Variants in CD69 observed in about 807,000 individuals in gnomAD.
The protein encoded by CD69 is CD69 molecule.
In CD69, 10 loss-of-function variants were observed where a neutral mutation model predicts 21.4. The observed-to-expected ratio is 0.47, with a 90% CI of 0.29 to 0.79. The LOEUF (loss-of-function observed/expected upper bound fraction) is 0.79. CD69 is among the 30% of genes least tolerant of loss of function. The pLI is 0.09. For missense variants in CD69, 204 were observed against 236.9 expected, an observed-to-expected ratio of 0.86 and a Z score of 0.91; for synonymous variants, 63 against 78.2, an observed-to-expected ratio of 0.81 and a Z score of 1.03.
At position 9,754,651 on chromosome 12, in the gene CD69, C is replaced by T. The variant is rs867305691; in HGVS notation, c.427G>A (p.Val143Ile). The change falls in exon 4 of 5, where the codon GTT becomes ATT. Residue 143 changes from valine to isoleucine, a missense_variant. By Grantham distance (29) the Val-to-Ile change is conservative (BLOSUM62 3). Coordinates refer to ENST00000228434, the MANE Select transcript of CD69 (RefSeq NM_001781.2). Reference protein sequence around the residue: ...KRYAGREEHWVGLKKEPGHPW... With the variant: ...KRYAGREEHWIGLKKEPGHPW... ...TGACCAGGTTCCTTTTTCAGTCCAA[C>T]CCAGTGTTCCTCTCTACCTGCGTAT... 11 of 1,612,546 alleles carry T rather than the reference C, an allele frequency of 6.8e-6. No individual in the cohort carries two copies. The Admixed American group carries it at 1.8e-4, about 27-fold the overall frequency.
Position 9,752,603 on chromosome 12 carries a change from G to T in CD69, c.*878C>A, listed in dbSNP as rs1355854024. The T allele has an allele frequency of 1.3e-5, 2 of 152,564 alleles. No individual in the cohort carries two copies. Among genetic ancestry groups the T allele is most frequent in the Admixed American group, 6.5e-5 (1 of 15,284 alleles). The allele number at this position is 152,564 out of a possible 1,614,324, so 9.5% of individuals were successfully genotyped here. A position where few individuals can be genotyped will look rare whatever the true frequency, so the allele number is the denominator to read the frequency against. On this transcript the variant is annotated 3_prime_UTR_variant, in exon 5 of 5. Transcript: ENST00000228434. ...AAAATATTTTAAATGAAGTATTGAAGTATTGCACGTAATAGAATTGATTTA... is the reference window on the plus strand; with the variant it reads ...AAAATATTTTAAATGAAGTATTGAATTATTGCACGTAATAGAATTGATTTA...
chr12:9,755,396 A>C, intron 2 of CD69, 135 bp from the exon 3 acceptor site: 1 of 697,390 alleles, frequency 1.4e-6, no homozygotes, highest in Non-Finnish European at 2.5e-6. Flanking sequence ...TAGAATTCTG[A>C]AAAGGGTATG....
At position 9,753,361 on chromosome 12, in the gene CD69, C is replaced by CTA. The variant is rs1866645316; in HGVS notation, c.*118_*119dup. On this transcript the variant is annotated 3_prime_UTR_variant, in exon 5 of 5. Coordinates refer to ENST00000228434, the MANE Select transcript of CD69 (RefSeq NM_001781.2). Reference sequence around the variant, plus strand: ...TGTTTGGAAGAAAATTCCCAAGACACTATAAAATTTTTTTTCACAAAGTCT... The same window carrying CTA: ...TGTTTGGAAGAAAATTCCCAAGACACTATATAAAATTTTTTTTCACAAAGTCT... The CTA allele has an allele frequency of 4.5e-6, 2 of 445,820 alleles. No individual in the cohort carries two copies. Among genetic ancestry groups the CTA allele is most frequent in the Non-Finnish European group, 8.2e-6 (2 of 245,324 alleles). The allele number at this position is 445,820 out of a possible 1,614,324, so 27.6% of individuals were successfully genotyped here.
chr12:9,752,668 G>A lies in CD69; in HGVS notation c.*813C>T, dbSNP rs1866639501. On this transcript the variant is annotated 3_prime_UTR_variant, in exon 5 of 5. Coordinates refer to ENST00000228434, the MANE Select transcript of CD69 (RefSeq NM_001781.2). ...CTATTATAAGACTAGTATTATTCTA[G>A]GTCTGAAGATTACAGAATATTTCCT... The A allele has an allele frequency of 6.6e-6, 1 of 152,488 alleles. No individual in the cohort carries two copies. The highest frequency in any genetic ancestry group is 1.5e-5 in the Non-Finnish European group (1 of 67,996). 9.4% of individuals were successfully genotyped at this position (152,488 alleles called of 1,614,324 possible).
At position 9,757,482 on chromosome 12, in the gene CD69, A is replaced by T. The variant is rs760014188; in HGVS notation, c.65-1063T>A. 3.3e-5 allele frequency among the ~76,000 whole-genome samples: 5 copies of T among 152,240 alleles called. No homozygotes were observed. The East Asian group carries it at 7.7e-4, about 23-fold the overall frequency. ...GAATGCTCCTAGCAGCTTTATTCTT[A>T]AGAGCCAAATTCCAGAAATAATCCA... On this transcript the variant is annotated intron_variant, in intron 1 of 4. Coordinates refer to ENST00000228434, the MANE Select transcript of CD69 (RefSeq NM_001781.2).
At chr12:9,759,898 G>T (rs763152394) in intron 1 of CD69, among the ~76,000 whole-genome samples, 25 of 152,284 alleles carry the variant, frequency 1.6e-4, no homozygotes, top group African/African-American at 5.8e-4. Context: ...CCAGTAACAG[G>T]AAATAAGCTA....
intron 1 of CD69, among the ~76,000 whole-genome samples, chr12:9,758,638 A>G (rs1174446962): frequency 6.6e-6 from 1 of 152,136 alleles, no homozygotes; most frequent in African/African-American, 2.4e-5. Flanking sequence ...CGATTTTCTC[A>G]GCTTCTCAAA....
chr12:9,756,868 C>G (rs1866683907), intron 1 of CD69, among the ~76,000 whole-genome samples: 1 of 152,090 alleles, frequency 6.6e-6, no homozygotes, highest in South Asian at 2.1e-4. Flanking sequence ...CACCTGAGCT[C>G]AGGAGTTCAA....
At position 9,756,327 on chromosome 12, in the gene CD69, T is replaced by C. The variant is rs1866678980; in HGVS notation, c.157A>G (p.Ile53Val). The C allele has an allele frequency of 6.2e-7, 1 of 1,613,462 alleles. No homozygotes were observed. The highest frequency in any genetic ancestry group is 8.5e-7 in the Non-Finnish European group (1 of 1,179,666). The change falls in exon 2 of 5, where the codon ATT (isoleucine) becomes GTT (valine). Residue 53 changes from isoleucine to valine, a missense_variant. Coordinates refer to ENST00000228434, the MANE Select transcript of CD69 (RefSeq NM_001781.2). ...CAVMNVVFIT[I>V]LIIALIALSV... ...AAGGCAATGAGAGCTATGATTAAAA[T>C]GGTGATGAAGACCACATTCATTACA...
intron 1 of CD69, 107 bp downstream of exon 1, chr12:9,760,650 A>C (rs1020474808): frequency 3.8e-6 from 3 of 788,898 alleles, no homozygotes; most frequent in African/African-American, 1.8e-5. Flanking sequence ...TATTTCTCTA[A>C]GATTATATAT....
At chr12:9,759,030 C>T (rs1018599747) in intron 1 of CD69, among the ~76,000 whole-genome samples, 6 of 152,030 alleles carry the variant, frequency 3.9e-5, no homozygotes, top group East Asian at 1.9e-4. Flanking sequence ...CCCGGGTTCA[C>T]GCCATTCTCC....
At chr12:9,758,143 A>T (rs1866697421) in intron 1 of CD69, among the ~76,000 whole-genome samples, 1 of 152,142 alleles carries the variant, frequency 6.6e-6, no homozygotes, top group East Asian at 1.9e-4. Context: ...ATAGTTACAA[A>T]AAACTCTAAG....
At chr12:9,759,068 T>C (rs904847861) in intron 1 of CD69, among the ~76,000 whole-genome samples, 6 of 152,072 alleles carry the variant, frequency 3.9e-5, no homozygotes, top group African/African-American at 1.4e-4. Flanking sequence ...TAGCTGGGAC[T>C]ACAGGCGCCC....
At chr12:9,755,574 A>G (rs901829908) in intron 2 of CD69, among the ~76,000 whole-genome samples, 5 of 152,262 alleles carry the variant, frequency 3.3e-5, no homozygotes, top group African/African-American at 1.2e-4. Flanking sequence ...ACTAGAAAGG[A>G]TAAAGTGCAT....
At position 9,753,411 on chromosome 12, in the gene CD69, G is replaced by C. The variant is rs1866645963; in HGVS notation, c.*70C>G. On this transcript the variant is annotated 3_prime_UTR_variant, in exon 5 of 5. Coordinates refer to ENST00000228434, the MANE Select transcript of CD69 (RefSeq NM_001781.2). ...TCTATGGAAGACTTCGGACCACAGAGCAGCATCCACTGACACAGATTTCCT... is the reference window on the plus strand; with the variant it reads ...TCTATGGAAGACTTCGGACCACAGACCAGCATCCACTGACACAGATTTCCT... 2 of 660,786 alleles carry C rather than the reference G, an allele frequency of 3.0e-6. No individual in the cohort carries two copies. The highest frequency in any genetic ancestry group is 6.0e-5 in the East Asian group (2 of 33,542). The allele number at this position is 660,786 out of a possible 1,614,324, so 40.9% of individuals were successfully genotyped here. A position where few individuals can be genotyped will look rare whatever the true frequency, so the allele number is the denominator to read the frequency against.
At position 9,760,877 on chromosome 12, in the gene CD69, CTT is replaced by C; in HGVS notation, c.-59_-58del. On this transcript the variant is annotated 5_prime_UTR_variant, in exon 1 of 5. Transcript: ENST00000228434. Reference sequence around the variant, plus strand: ...GGTCAAGTCAAGCTACAGTGAAAGTCTTTGCTGGAGCTCTTGTTGAGTCTGTG... The same window carrying C: ...GGTCAAGTCAAGCTACAGTGAAAGTCTGCTGGAGCTCTTGTTGAGTCTGTG... 7.1e-7 allele frequency: 1 copy of C among 1,411,286 alleles called. No homozygotes were observed. Among genetic ancestry groups the C allele is most frequent in the Non-Finnish European group, 1.0e-6 (1 of 1,003,300 alleles). The allele number at this position is 1,411,286 out of a possible 1,614,324, so 87.4% of individuals were successfully genotyped here.
rs1202147769 is a variant in CD69 at position 9,755,099 on chromosome 12, C to A, written c.350G>T (p.Gly117Val). The A allele has an allele frequency of 6.2e-7, 1 of 1,613,990 alleles. No homozygotes were observed. The highest frequency in any genetic ancestry group is 1.7e-5 in the Admixed American group (1 of 60,006). Residue 117 changes from glycine (G) to valine (V), a missense_variant, in exon 3 of 5, where the codon GGT becomes GTT. Physicochemically the swap from Gly to Val is moderately radical, Grantham distance 109 (BLOSUM62 -3). Coordinates refer to ENST00000228434, the MANE Select transcript of CD69 (RefSeq NM_001781.2). ...AGAATCAATGACAGCAAGAGTAGCA[C>A]CATGTTCAGAACAAGCATTTTGGGC... ...TSAQNACSEH[G>V]ATLAVIDSEK...
chr12:9,759,678 G>T (rs887325548), intron 1 of CD69, among the ~76,000 whole-genome samples: 1 of 152,024 alleles, frequency 6.6e-6, no homozygotes, highest in Admixed American at 6.6e-5. Flanking sequence ...GTAGACACAC[G>T]CTTAGAAAAT....
intron 3 of CD69, 136 bp downstream of exon 3, chr12:9,754,926 G>T: frequency 2.6e-6 from 2 of 769,958 alleles, no homozygotes; most frequent in Non-Finnish European, 2.1e-6. Flanking sequence ...TGGTTCTCTG[G>T]GATGACATTT....
Sources: gnomAD v4.1 joint callset for allele counts (sites outside exome capture counted in the v4.1 genomes callset) on GRCh38, gnomAD v4.1.1 for gene constraint, MANE v1.5 for transcripts, NCBI Gene and HGNC (gene_info 2026-07-23, HGNC 2026-07-21) for gene names.